The following DOCK2 variants were observed in gnomAD, a reference collection of about 807,000 sequenced individuals.
The protein encoded by DOCK2 is dedicator of cytokinesis 2, also known as dedicator of cytokinesis protein 2.
A neutral mutation model predicts 248.9 loss-of-function variants in DOCK2; 87 were observed. That is an observed-to-expected ratio of 0.35 (90% CI 0.29 to 0.42). DOCK2 has a LOEUF of 0.42. Among genes scored for constraint, DOCK2 ranks in the 10% least tolerant of loss-of-function variants. The pLI is 1.00. For synonymous variants in DOCK2, 805 were observed against 821.6 expected (o/e 0.98, Z 0.35); for missense variants, 1,747 against 2,300.2 (o/e 0.76, Z 4.92).
chr5:169,948,613 A>ATTTTTTTTTTTTTTTTTTTTTTTTT lies in DOCK2; in HGVS notation c.2800-34438_2800-34437insTTTTTTTTTTTTTTTTTTTTTTTTT, dbSNP rs772095719. Among the ~76,000 whole-genome samples the ATTTTTTTTTTTTTTTTTTTTTTTTT allele has an allele frequency of 4.4e-5, 6 of 135,948 alleles. 1 individual carries two copies. The South Asian group carries it at 1.2e-3, about 28-fold the overall frequency. 89.2% of individuals were successfully genotyped at this position (135,948 alleles called of 152,430 possible). ...TTCTTATTCCTTCCTTCCACAATTAATTTTTTTTTTTTTTTTTAGAGACAG... is the reference window on the plus strand; with the variant it reads ...TTCTTATTCCTTCCTTCCACAATTAATTTTTTTTTTTTTTTTTTTTTTTTTTTTTTTTTTTTTTTTTTAGAGACAG... On this transcript the variant is annotated intron_variant, in intron 27 of 51. Transcript: ENST00000520908.
chr5:170,079,502 C>A, intron 49 of DOCK2: 2 of 243,970 alleles, frequency 8.2e-6, no homozygotes, highest in South Asian at 6.1e-5. Flanking sequence ...GTTTCTATAG[C>A]CCCCAGCCCC....
chr5:169,954,661 G>A (rs2113732364), intron 27 of DOCK2, among the ~76,000 whole-genome samples: 1 of 152,352 alleles, frequency 6.6e-6, no homozygotes, highest in South Asian at 2.1e-4. Context: ...GTGCAGTTTG[G>A]TTCTCCAAAT....
intron 49 of DOCK2, 175 bp downstream of exon 49, chr5:170,079,321 A>G: frequency 5.7e-6 from 5 of 879,054 alleles, no homozygotes; most frequent in Non-Finnish European, 8.4e-6. Context: ...ACTCGTGCCC[A>G]GGCAGCTGGG....
At chr5:169,768,018 T>C (rs1764887308) in intron 25 of DOCK2, among the ~76,000 whole-genome samples, 2 of 152,242 alleles carry the variant, frequency 1.3e-5, no homozygotes, top group Admixed American at 6.5e-5. Flanking sequence ...GAAGGTCATA[T>C]GCCTTTTGTC....
chr5:169,675,974 C>T (rs1373356169), intron 6 of DOCK2, among the ~76,000 whole-genome samples: 10 of 151,536 alleles, frequency 6.6e-5, no homozygotes, highest in South Asian at 4.2e-4. Flanking sequence ...GGGTTTGCCC[C>T]GCAGCTGCTA....
Position 169,985,925 on chromosome 5 carries a change from G to T in DOCK2, c.2993+3G>T, listed in dbSNP as rs200861396. 6.2e-6 allele frequency: 10 copies of T among 1,602,170 alleles called. No individual in the cohort carries two copies. In the South Asian group the frequency reaches 1.0e-4, roughly 16 times the overall value. ...GCCATGAGCATGGTTCAAAACAGGT[G>T]AGCTGCTACCTGCTTCCGCAAAGCT... On this transcript the variant is annotated splice_donor_region_variant and intron_variant, in intron 29 of 51. Coordinates refer to ENST00000520908, the MANE Select transcript of DOCK2 (RefSeq NM_004946.3).
Position 169,870,046 on chromosome 5 carries a change from A to G in DOCK2, c.2799+29194A>G, listed in dbSNP as rs542814753. 1.1e-4 allele frequency among the ~76,000 whole-genome samples: 16 copies of G among 152,358 alleles called. No individual in the cohort carries two copies. The South Asian group carries it at 3.3e-3, about 32-fold the overall frequency. On this transcript the variant is annotated intron_variant, in intron 27 of 51. Transcript: ENST00000520908. ...ACGAGCCCTTGAGATAGTCCAGGGCATTCATGGTATGTGAGTTGGTCTTCC... is the reference window on the plus strand; with the variant it reads ...ACGAGCCCTTGAGATAGTCCAGGGCGTTCATGGTATGTGAGTTGGTCTTCC...
chr5:169,734,428 T>G (rs923392116), intron 22 of DOCK2, among the ~76,000 whole-genome samples: 3 of 152,190 alleles, frequency 2.0e-5, no homozygotes, highest in African/African-American at 7.2e-5. Flanking sequence ...TTTGTTGTTT[T>G]TATTATTTCC....
chr5:169,978,404 G>GTT (rs1777808899), intron 27 of DOCK2, among the ~76,000 whole-genome samples: 6 of 121,380 alleles, frequency 4.9e-5, no homozygotes, highest in Admixed American at 4.8e-4. Context: ...GGGGGGGGGG[G>GTT]GTGTAGGTGT....
intron 26 of DOCK2, among the ~76,000 whole-genome samples, chr5:169,811,828 C>G (rs1023237300): frequency 2.6e-5 from 4 of 151,132 alleles, no homozygotes; most frequent in African/African-American, 9.7e-5. Context: ...TTACCTCCCC[C>G]CACTCTGCAT....
chr5:169,883,036 T>G, intron 27 of DOCK2: 2 of 1,551,640 alleles, frequency 1.3e-6, no homozygotes, highest in Non-Finnish European at 1.7e-6. Flanking sequence ...GCCAAGGTCT[T>G]TGTCATCTGA....
At chr5:169,766,477 G>A (rs575615110) in intron 25 of DOCK2, among the ~76,000 whole-genome samples, 127 of 152,238 alleles carry the variant, frequency 8.3e-4, no homozygotes, top group African/African-American at 2.8e-3. Context: ...CACCATCAGC[G>A]CGTGTTTAGG....
intron 23 of DOCK2, among the ~76,000 whole-genome samples, chr5:169,749,065 A>C (rs1422731253): frequency 6.6e-6 from 1 of 152,238 alleles, no homozygotes; most frequent in Admixed American, 6.5e-5. Flanking sequence ...CTGACATCAC[A>C]TGGGCTTCAC....
chr5:169,883,327 G>A (rs1187459151), intron 27 of DOCK2: 1 of 1,551,550 alleles, frequency 6.4e-7, no homozygotes, highest in African/African-American at 1.4e-5. Context: ...GGACCTCCAA[G>A]TTCCTGCTTC....
At chr5:169,944,809 C>T (rs1197670498) in intron 27 of DOCK2, among the ~76,000 whole-genome samples, 1 of 152,172 alleles carries the variant, frequency 6.6e-6, no homozygotes, top group African/African-American at 2.4e-5. Context: ...GAAAGCTGAA[C>T]GGTTTCTGAC....
chr5:169,983,156 C>G lies in DOCK2; in HGVS notation c.2888C>G (p.Ser963Cys). The change falls in exon 28 of 52, where the codon TCT (serine) becomes TGT (cysteine). Residue 963 changes from serine (S) to cysteine (C), a missense_variant. Physicochemically the swap from Ser to Cys is moderately radical, Grantham distance 112. Coordinates refer to ENST00000520908, the MANE Select transcript of DOCK2 (RefSeq NM_004946.3). ...TACATTGAGACCTTCCAGACCAGCT[C>G]TGAACTTGTGGTGAGTCTGCAGGAT... ...SFYIETFQTS[S>C]ELVDFLMETF... is the part of the protein sequence containing the mutation. The G allele has an allele frequency of 3.7e-6, 6 of 1,614,036 alleles. No homozygotes were observed. The highest frequency in any genetic ancestry group is 5.1e-6 in the Non-Finnish European group (6 of 1,179,912).
intron 27 of DOCK2, among the ~76,000 whole-genome samples, chr5:169,973,079 CAAG>C (rs1777585163): frequency 6.6e-6 from 1 of 152,176 alleles, no homozygotes; most frequent in Non-Finnish European, 1.5e-5. Flanking sequence ...CTTCACTCCT[CAAG>C]AAGGAAAACG....
intron 22 of DOCK2, among the ~76,000 whole-genome samples, chr5:169,744,207 T>C (rs1397206516): frequency 1.3e-5 from 2 of 152,310 alleles, no homozygotes; most frequent in Admixed American, 6.5e-5. Context: ...AGCTATATCA[T>C]TGGCACAGTC....
At chr5:169,641,631 C>T (rs111860812) in intron 1 of DOCK2, among the ~76,000 whole-genome samples, 2,265 of 152,266 alleles carry the variant, frequency 0.015, 33 homozygotes, top group Non-Finnish European at 0.023. Flanking sequence ...AGCCAGGCCT[C>T]GGAAAGGGCT....
Sources: allele counts gnomAD v4.1 joint callset (sites outside exome capture counted in the v4.1 genomes callset), GRCh38; gene constraint gnomAD v4.1.1; transcripts MANE v1.5; gene names NCBI Gene and HGNC (gene_info 2026-07-23, HGNC 2026-07-21).